Variants in DAB1 observed in about 807,000 individuals in gnomAD.
The protein encoded by DAB1 is DAB adaptor protein 1.
A neutral mutation model predicts 64.6 loss-of-function variants in DAB1; 15 were observed. The ratio of observed to expected loss-of-function variants is 0.23; its 90% confidence interval spans 0.16 to 0.36. DAB1 has a LOEUF of 0.36. DAB1 is among the 10% of genes least tolerant of loss of function. The pLI is 1.00. For synonymous variants in DAB1, 235 were observed against 251.9 expected (o/e 0.93, Z 0.64); for missense variants, 596 against 706.7 (o/e 0.84, Z 1.78).
intron 2 of DAB1, among the ~76,000 whole-genome samples, chr1:57,155,848 C>T (rs1360193497): frequency 6.6e-6 from 1 of 150,438 alleles, no homozygotes; most frequent in African/African-American, 2.4e-5. Context: ...TATAGAAATG[C>T]TACTGATTTT....
At chr1:57,054,758 G>A (rs769590255) in intron 9 of DAB1, among the ~76,000 whole-genome samples, 3 of 152,130 alleles carry the variant, frequency 2.0e-5, no homozygotes, top group Non-Finnish European at 2.9e-5. Flanking sequence ...GATTACAGGC[G>A]TGTGCCACGG....
chr1:57,109,747 C>T (rs1475940424), intron 4 of DAB1, among the ~76,000 whole-genome samples: 1 of 152,176 alleles, frequency 6.6e-6, no homozygotes, highest in African/African-American at 2.4e-5. Context: ...TCTCTTATTC[C>T]TGATGAGAAT....
rs552539532 is a variant in DAB1 at position 58,044,875 on chromosome 1, T to C, written n.387+105636A>G. On this transcript the variant is annotated intron_variant and non_coding_transcript_variant, in intron 5 of 20. Coordinates refer to the DAB1 transcript ENST00000485760. ...TATATAATAATAATCTGAACAAACC[T>C]ATAAGGCTGGTATTATTAATATTCC... 5.9e-5 allele frequency among the ~76,000 whole-genome samples: 9 copies of C among 152,270 alleles called. No individual in the cohort carries two copies. The East Asian group carries it at 1.7e-3, about 29-fold the overall frequency.
At chr1:57,758,231 A>G (rs1282541640) in intron 6 of DAB1, among the ~76,000 whole-genome samples, 2 of 152,202 alleles carry the variant, frequency 1.3e-5, no homozygotes, top group African/African-American at 4.8e-5. Context: ...TCATTTAACC[A>G]TGACAACTGC....
chr1:58,106,839 C>T, intron 5 of DAB1, among the ~76,000 whole-genome samples: 1 of 141,298 alleles, frequency 7.1e-6, no homozygotes, highest in East Asian at 2.5e-4. Flanking sequence ...TCCCTCCCTC[C>T]TTCATCCCTC....
rs1491485600 is a variant in DAB1, at chr1:58,528,341, AGT to A, written n.33-1008_33-1007del. Among the ~76,000 whole-genome samples the A allele has an allele frequency of 3.3e-5, 5 of 152,342 alleles. No homozygotes were observed. The South Asian group carries it at 6.2e-4, about 19-fold the overall frequency. On this transcript the variant is annotated intron_variant and non_coding_transcript_variant, in intron 1 of 20. Coordinates refer to the DAB1 transcript ENST00000485760. Reference sequence around the variant, plus strand: ...ATTGTTTAACCCTGCTAAACCCAGTAGTATCATATGTAAAATGAAGCTAGTAA... The same window carrying A: ...ATTGTTTAACCCTGCTAAACCCAGTAATCATATGTAAAATGAAGCTAGTAA...
At chr1:57,663,472 A>T (rs1035280049) in intron 6 of DAB1, among the ~76,000 whole-genome samples, 10 of 152,224 alleles carry the variant, frequency 6.6e-5, no homozygotes, top group Admixed American at 6.5e-4. Flanking sequence ...TTCTGGCCTC[A>T]GATCATCACT....
chr1:58,150,422 T>C (rs1318954849), intron 5 of DAB1: 1 of 152,178 alleles, frequency 6.6e-6, no homozygotes, highest in Non-Finnish European at 1.5e-5. Flanking sequence ...ACAGTCAAGC[T>C]TCTCCCCACC....
intron 2 of DAB1, among the ~76,000 whole-genome samples, chr1:57,218,417 G>A (rs61765591): frequency 0.02 from 2,907 of 147,956 alleles, 67 homozygotes; most frequent in East Asian, 0.085. Flanking sequence ...TTGGTGGCTC[G>A]CATCTGCAAT....
intron 1 of DAB1, among the ~76,000 whole-genome samples, chr1:57,370,627 AAC>A (rs1680422971): frequency 6.6e-6 from 1 of 151,942 alleles, no homozygotes; most frequent in Non-Finnish European, 1.5e-5. Flanking sequence ...AAAAAAAAAA[AAC>A]GTGTAACCCT....
At chr1:57,388,415 G>A (rs1682064853) in intron 1 of DAB1, among the ~76,000 whole-genome samples, 1 of 152,100 alleles carries the variant, frequency 6.6e-6, no homozygotes, top group Non-Finnish European at 1.5e-5. Flanking sequence ...TCTGCTCTTT[G>A]TGTTTCCCAG....
At chr1:58,284,858 C>G (rs920729620) in intron 4 of DAB1, among the ~76,000 whole-genome samples, 34 of 152,234 alleles carry the variant, frequency 2.2e-4, no homozygotes, top group African/African-American at 8.2e-4. Context: ...AGAGCTTGTT[C>G]TAGAGGGTAC....
chr1:57,710,694 CCT>C (rs1250746035), intron 6 of DAB1, among the ~76,000 whole-genome samples: 1 of 151,776 alleles, frequency 6.6e-6, no homozygotes, highest in Non-Finnish European at 1.5e-5. Context: ...TTGTAGTTTC[CCT>C]TTATTTCTTG....
chr1:58,197,951 A>C (rs674986), intron 4 of DAB1, among the ~76,000 whole-genome samples: 80,419 of 152,010 alleles, frequency 0.53, 22,895 homozygotes, highest in Middle Eastern at 0.7. Flanking sequence ...TCCCATCATC[A>C]CAAGTTTGAT....
intron 2 of DAB1, among the ~76,000 whole-genome samples, chr1:58,525,185 A>C (rs1033905934): frequency 8.5e-5 from 13 of 152,160 alleles, no homozygotes; most frequent in African/African-American, 2.9e-4. Context: ...ATCTACATGT[A>C]TTTTATGCAT....
chr1:58,407,032 C>A (rs1436620730), intron 3 of DAB1, among the ~76,000 whole-genome samples: 1 of 152,162 alleles, frequency 6.6e-6, no homozygotes, highest in Non-Finnish European at 1.5e-5. Flanking sequence ...ACATTTTGAA[C>A]TGTTATTATA....
At chr1:57,803,829 C>A (rs923271260) in intron 6 of DAB1, among the ~76,000 whole-genome samples, 1 of 152,198 alleles carries the variant, frequency 6.6e-6, no homozygotes, top group Non-Finnish European at 1.5e-5. Context: ...GACCATATGC[C>A]GGAGACTTCC....
At chr1:57,286,865 C>T (rs1672358356) in intron 2 of DAB1, among the ~76,000 whole-genome samples, 1 of 152,020 alleles carries the variant, frequency 6.6e-6, no homozygotes, top group African/African-American at 2.4e-5. Context: ...AAAATAATAG[C>T]ATTACAACCA....
At chr1:58,139,934 C>A (rs945387373) in intron 5 of DAB1, among the ~76,000 whole-genome samples, 7 of 152,168 alleles carry the variant, frequency 4.6e-5, no homozygotes, top group African/African-American at 1.7e-4. Context: ...ATAAGATACT[C>A]TAATCCTTGT....
Sources: allele counts gnomAD v4.1 joint callset (sites outside exome capture counted in the v4.1 genomes callset), GRCh38; gene constraint gnomAD v4.1.1; transcripts MANE v1.5; gene names NCBI Gene and HGNC (gene_info 2026-07-23, HGNC 2026-07-21).